The following CLUL1 variants were observed in gnomAD, a reference collection of about 807,000 sequenced individuals.
The protein encoded by CLUL1 is clusterin like 1.
A neutral mutation model predicts 49.4 loss-of-function variants in CLUL1; 43 were observed. That is an observed-to-expected ratio of 0.87 (90% confidence interval 0.68 to 1.12). The LOEUF is 1.12. CLUL1 is among the 50% of genes most tolerant of loss of function. The pLI is 0.00. For missense variants in CLUL1, 486 were observed against 544.4 expected (o/e 0.89, Z 1.07); for synonymous variants, 192 against 184.9 (o/e 1.04, Z -0.31).
rs564605974 is a variant in CLUL1, at chr18:621,534, G to GA, written c.255+2177dup. Among the ~76,000 whole-genome samples, 20 of 152,278 alleles carry GA rather than the reference G, an allele frequency of 1.3e-4. No homozygotes were observed. The East Asian group carries it at 3.7e-3, about 28-fold the overall frequency. On this transcript the variant is annotated intron_variant, in intron 4 of 9. Transcript: ENST00000692774. ...GAAATCTAAAATAGCTCCTCATCAG[G>GA]AAAATGTGGAAGCCCCTCCAGCTGG...
intron 4 of CLUL1, among the ~76,000 whole-genome samples, chr18:621,626 C>G (rs2073488979): frequency 6.6e-6 from 1 of 152,196 alleles, no homozygotes; most frequent in Admixed American, 6.5e-5. Flanking sequence ...CACTCATACA[C>G]TCTTCACAAA....
At chr18:630,910 C>G (rs983341336) in intron 6 of CLUL1, among the ~76,000 whole-genome samples, 67 of 151,224 alleles carry the variant, frequency 4.4e-4, no homozygotes, top group African/African-American at 1.6e-3. Context: ...CCTAGGGAGA[C>G]CCACTTCAGA....
At chr18:611,061 A>G (rs521006) in intron 2 of CLUL1, among the ~76,000 whole-genome samples, 150,703 of 151,970 alleles carry the variant, frequency 0.99, 74,736 homozygotes, top group Middle Eastern at 1. Flanking sequence ...TCCACTTCCC[A>G]TGCTCCTTGC....
At chr18:628,364 A>G (rs1255640900) in intron 6 of CLUL1, among the ~76,000 whole-genome samples, 1 of 152,230 alleles carries the variant, frequency 6.6e-6, no homozygotes, top group African/African-American at 2.4e-5. Context: ...GAAATATTAG[A>G]TAAGAATTGC....
intron 2 of CLUL1, chr18:616,677 G>T: frequency 1.0e-6 from 1 of 969,048 alleles, no homozygotes; most frequent in Non-Finnish European, 1.2e-6. Flanking sequence ...CTAAATCCCT[G>T]ACACGGATGA....
chr18:619,626 GGTCTCTTCTGAGTTA>G (rs1262620678), intron 4 of CLUL1, among the ~76,000 whole-genome samples: 1 of 151,870 alleles, frequency 6.6e-6, no homozygotes, highest in Non-Finnish European at 1.5e-5. Flanking sequence ...GATTATTCTT[GGTCTCTTCTGAGTTA>G]GGATATTGAG....
intron 1 of CLUL1, among the ~76,000 whole-genome samples, chr18:605,337 T>C (rs1232586451): frequency 1.3e-5 from 2 of 152,150 alleles, no homozygotes; most frequent in East Asian, 3.8e-4. Context: ...GTGTCAAAAA[T>C]GAAAATGAGG....
chr18:640,555 C>T (rs2074315974), intron 7 of CLUL1, among the ~76,000 whole-genome samples: 1 of 151,762 alleles, frequency 6.6e-6, no homozygotes, highest in Non-Finnish European at 1.5e-5. Flanking sequence ...TGGCTTTTCA[C>T]TCAGTGTAGT....
chr18:625,917 G>A (rs1183840597), intron 5 of CLUL1, among the ~76,000 whole-genome samples: 1 of 152,184 alleles, frequency 6.6e-6, no homozygotes, highest in East Asian at 1.9e-4. Flanking sequence ...TAGAGCTACT[G>A]TCGCCTGCTA....
intron 3 of CLUL1, 54 bp from the exon 4 acceptor site, chr18:619,159 G>C: frequency 6.5e-7 from 1 of 1,538,696 alleles, no homozygotes; most frequent in Non-Finnish European, 8.9e-7. Flanking sequence ...TGGTGAACTT[G>C]GTGTTTTGTA....
At chr18:645,289 G>C (rs2074442218) in intron 9 of CLUL1, 192 bp downstream of exon 9, 1 of 461,752 alleles carries the variant, frequency 2.2e-6, no homozygotes, top group Non-Finnish European at 3.8e-6. Flanking sequence ...AATCCTGATA[G>C]GAATGTGATG....
chr18:618,101 T>G lies in CLUL1; in HGVS notation c.101T>G (p.Leu34Arg). ...WKDKTAISEN[L>R]KSFSEVGEID... ...GACAAAACTGCTATCAGTGAAAACC[T>G]GAAGAGTACGTTTGGTTTCTTATCT... is the stretch of plus-strand genomic sequence containing the variant. Residue 34 changes from leucine to arginine, a missense_variant, in exon 3 of 10, where the codon CTG becomes CGG. By Grantham distance (102) the Leu-to-Arg change is moderately radical. Coordinates refer to ENST00000692774, the MANE Select transcript of CLUL1 (RefSeq NM_001393344.1). This position sits in a 1 kb window ranked among gnomAD's most constrained non-coding sequence, Gnocchi z 4.2. 6.2e-7 allele frequency: 1 copy of G among 1,611,396 alleles called. No homozygotes were observed. Among genetic ancestry groups the G allele is most frequent in the Non-Finnish European group, 8.5e-7 (1 of 1,177,512 alleles).
chr18:626,936 A>AGAG (rs1567966723), intron 5 of CLUL1, among the ~76,000 whole-genome samples, 161 bp from the exon 6 acceptor site: 1 of 2,884 alleles, frequency 3.5e-4, no homozygotes. Flanking sequence ...AGAAGGAAAG[A>AGAG]AGGAAAGAAG....
intron 1 of CLUL1, chr18:597,814 T>A (rs1477301158): frequency 6.6e-6 from 1 of 152,244 alleles, no homozygotes; most frequent in African/African-American, 2.4e-5. Flanking sequence ...CCCAACTTGA[T>A]AAAATCAGTA....
At chr18:647,259 A>AT (rs745488853) in intron 9 of CLUL1, among the ~76,000 whole-genome samples, 41 of 150,766 alleles carry the variant, frequency 2.7e-4, no homozygotes, top group Admixed American at 6.0e-4. Context: ...TAGAGCATCT[A>AT]GGTACTGAGG....
At chr18:628,619 T>C (rs1224728536) in intron 6 of CLUL1, among the ~76,000 whole-genome samples, 1 of 151,878 alleles carries the variant, frequency 6.6e-6, no homozygotes, top group East Asian at 1.9e-4. Context: ...TCCTTCTATC[T>C]ATTTTTCTTT....
chr18:627,148 G>A lies in CLUL1; in HGVS notation c.475G>A (p.Asp159Asn). Residue 159 changes from aspartate to asparagine, a missense_variant, in exon 6 of 10, where the codon GAT (aspartate) becomes AAT (asparagine). Asp to Asn is a conservative substitution (Grantham distance 23). Transcript: ENST00000692774. ...TCAATTTCTATTTCCTTTCCATGAAGATAATGAAAAAGATCTCCCCATCAG... is the reference window on the plus strand; with the variant it reads ...TCAATTTCTATTTCCTTTCCATGAAAATAATGAAAAAGATCTCCCCATCAG... ...IYQFLFPFHE[D>N]NEKDLPISEK... The A allele has an allele frequency of 1.2e-6, 2 of 1,612,956 alleles. No individual in the cohort carries two copies. Among genetic ancestry groups the A allele is most frequent in the Non-Finnish European group, 1.7e-6 (2 of 1,179,400 alleles).
chr18:617,476 C>A (rs903485270), intron 2 of CLUL1, among the ~76,000 whole-genome samples: 1 of 151,858 alleles, frequency 6.6e-6, no homozygotes, highest in Non-Finnish European at 1.5e-5. Context: ...TGCCTATAAT[C>A]CCAGCTACTT....
At chr18:647,314 C>T (rs2074536034) in intron 9 of CLUL1, among the ~76,000 whole-genome samples, 1 of 150,916 alleles carries the variant, frequency 6.6e-6, no homozygotes, top group African/African-American at 2.4e-5. Context: ...ACTGTGGGGC[C>T]TTTGAGTTTC....
Sources: allele counts gnomAD v4.1 joint callset (sites outside exome capture counted in the v4.1 genomes callset), GRCh38; gene constraint gnomAD v4.1.1; non-coding constraint Gnocchi (gnomAD v3.1); transcripts MANE v1.5; gene names NCBI Gene and HGNC (gene_info 2026-07-23, HGNC 2026-07-21).